Variants in COL4A2 observed in about 807,000 individuals in gnomAD.
COL4A2 encodes collagen alpha-2(IV) chain.
COL4A2 carries 99 observed loss-of-function variants against 200.2 expected under a neutral mutation model. That is an observed-to-expected ratio of 0.49 (90% confidence interval 0.42 to 0.58). COL4A2 has a LOEUF of 0.58. Ranked by LOEUF, COL4A2 falls within the 20% of genes least tolerant of loss-of-function variation. The pLI, the probability that COL4A2 is intolerant of heterozygous loss-of-function variation, is 0.00. For missense variants in COL4A2, 1,950 were observed against 2,314.1 expected (o/e 0.84, Z 3.23); for synonymous variants, 897 against 900.6 (o/e 1.00, Z 0.07).
intron 4 of COL4A2, among the ~76,000 whole-genome samples, chr13:110,370,457 G>A (rs1411963240): frequency 6.6e-6 from 1 of 152,080 alleles, no homozygotes; most frequent in African/African-American, 2.4e-5. Flanking sequence ...GGGTTTCACT[G>A]TGTTGGCCAG....
At chr13:110,367,680 C>T (rs940098837) in intron 4 of COL4A2, among the ~76,000 whole-genome samples, 7 of 152,216 alleles carry the variant, frequency 4.6e-5, no homozygotes, top group African/African-American at 1.7e-4. Flanking sequence ...AGGAATATTG[C>T]CGTGGCCTTT....
intron 41 of COL4A2, 125 bp downstream of exon 41, chr13:110,501,909 C>A: frequency 1.0e-6 from 1 of 962,048 alleles, no homozygotes; most frequent in Non-Finnish European, 1.6e-6. Context: ...GTCAAAGAGG[C>A]AGGAGCCATG....
chr13:110,322,579 G>A (rs914941124), intron 3 of COL4A2, among the ~76,000 whole-genome samples: 1 of 152,226 alleles, frequency 6.6e-6, no homozygotes, highest in Non-Finnish European at 1.5e-5. Context: ...TGTGAGAGGA[G>A]GCTGTGATCG....
intron 4 of COL4A2, among the ~76,000 whole-genome samples, chr13:110,408,055 T>C (rs964444620): frequency 2.0e-5 from 3 of 152,120 alleles, no homozygotes; most frequent in Non-Finnish European, 4.4e-5. Context: ...AGCCGTTTGG[T>C]GTGAATGAAG....
chr13:110,430,651 G>T (rs202050913), intron 10 of COL4A2, 44 bp downstream of exon 10: 89 of 1,613,380 alleles, frequency 5.5e-5, no homozygotes, highest in Non-Finnish European at 7.4e-5. Flanking sequence ...CCATCGTCCG[G>T]TCATCCCTTC....
chr13:110,372,321 C>T (rs573207911), intron 4 of COL4A2, among the ~76,000 whole-genome samples: 5 of 152,248 alleles, frequency 3.3e-5, no homozygotes, highest in Admixed American at 2.6e-4. Flanking sequence ...ATAATGTTTC[C>T]GTCTCTGAAC....
At chr13:110,418,615 A>G (rs763443132) in intron 4 of COL4A2, among the ~76,000 whole-genome samples, 1 of 152,230 alleles carries the variant, frequency 6.6e-6, no homozygotes, top group Non-Finnish European at 1.5e-5. Context: ...TGCATCACAT[A>G]ATTTTGGAGG....
intron 3 of COL4A2, among the ~76,000 whole-genome samples, chr13:110,330,537 A>G (rs1157960351): frequency 1.3e-5 from 2 of 152,212 alleles, no homozygotes; most frequent in Non-Finnish European, 2.9e-5. Flanking sequence ...TGAAAAGAGG[A>G]TAAACCTCCT....
chr13:110,462,304 G>T lies in COL4A2; in HGVS notation c.1696G>T (p.Gly566Cys). The change falls in exon 24 of 48, where the codon GGT becomes TGT. Residue 566 changes from glycine to cysteine, a missense_variant. By Grantham distance (159) the Gly-to-Cys change is radical. This residue lies in a region of COL4A2 where 1,385 missense variants were observed against 1,720.5 expected (regional missense o/e 0.80). Transcript: ENST00000360467. ...TGAGCGGGGACAGCCCGGCGTCCCA[G>T]GTGTGCCCGGGATGAAAGGTGACGA... ...KGERGQPGVP[G>C]VPGMKGDDGS... 1 of 1,614,246 alleles carries T rather than the reference G, an allele frequency of 6.2e-7. No individual in the cohort carries two copies. Among genetic ancestry groups the T allele is most frequent in the Non-Finnish European group, 8.5e-7 (1 of 1,180,050 alleles).
chr13:110,332,482 C>T (rs7317178), intron 3 of COL4A2, among the ~76,000 whole-genome samples: 109,400 of 151,988 alleles, frequency 0.72, 39,800 homozygotes, highest in East Asian at 0.93. Context: ...GTTCTCCTGT[C>T]GCAATGATAG....
chr13:110,457,295 C>T (rs1008092310), intron 20 of COL4A2, 48 bp from the exon 21 acceptor site: 12 of 1,112,544 alleles, frequency 1.1e-5, no homozygotes, highest in Middle Eastern at 2.0e-4. Context: ...GCGTGGGACC[C>T]CAGGCGTCCG....
At chr13:110,498,848 G>T (rs1883543091) in intron 40 of COL4A2, among the ~76,000 whole-genome samples, 1 of 152,186 alleles carries the variant, frequency 6.6e-6, no homozygotes, top group Non-Finnish European at 1.5e-5. Context: ...GGCCCTCCTT[G>T]CATTCCATCC....
chr13:110,400,206 T>C (rs1165821980), intron 4 of COL4A2, among the ~76,000 whole-genome samples: 1 of 152,184 alleles, frequency 6.6e-6, no homozygotes, highest in Non-Finnish European at 1.5e-5. Context: ...TGGAGATCAA[T>C]TTGCATATGT....
chr13:110,383,291 C>T (rs1425102907), intron 4 of COL4A2, among the ~76,000 whole-genome samples: 1 of 152,152 alleles, frequency 6.6e-6, no homozygotes, highest in Non-Finnish European at 1.5e-5. Context: ...GTACCATTTA[C>T]AATACTCTTG....
chr13:110,328,326 T>C (rs975912814), intron 3 of COL4A2: 4 of 152,246 alleles, frequency 2.6e-5, no homozygotes, highest in Non-Finnish European at 2.9e-5. Flanking sequence ...TTCAAAATTT[T>C]CCAATTCAGA....
In COL4A2 at chr13:110,432,277, G is replaced by A. The variant is rs746251408; in HGVS notation, c.649-48G>A. 5 of 1,580,704 alleles carry A rather than the reference G, an allele frequency of 3.2e-6. No individual in the cohort carries two copies. In the African/African-American group the frequency reaches 4.1e-5, roughly 13 times the overall value. On this transcript the variant is annotated intron_variant, in intron 10 of 47. Transcript: ENST00000360467. The stretch of plus-strand genomic sequence containing the variant: ...GAGCTTTCCACCAGATGTTATCTGG[G>A]TCCTGGGGTAAAGAAAACCATTTAC...
Position 110,456,218 on chromosome 13 carries a change from G to A in COL4A2, c.1340-1125G>A, listed in dbSNP as rs143780609. 5.2e-3 allele frequency among the ~76,000 whole-genome samples: 786 copies of A among 152,344 alleles called. 6 individuals are homozygous for A. The highest frequency in any genetic ancestry group is 0.018 in the African/African-American group (737 of 41,574). On this transcript the variant is annotated intron_variant, in intron 20 of 47. Transcript: ENST00000360467. ...GGTTTACAAGGGGAAGGTGGTGGGCGAGGTCATCCAACATGGCTGACCATG... is the reference window on the plus strand; with the variant it reads ...GGTTTACAAGGGGAAGGTGGTGGGCAAGGTCATCCAACATGGCTGACCATG...
chr13:110,467,103 C>T lies in COL4A2; in HGVS notation c.2095+7C>T, dbSNP rs771760571. On this transcript the variant is annotated splice_region_variant and intron_variant, in intron 27 of 47. Transcript: ENST00000360467. ...GGACCCCCAGGCCCCACAGGTAATG[C>T]ACGGAGGGAACCTGGAGTGCACCCA... is the stretch of plus-strand genomic sequence containing the variant. 6 of 1,614,016 alleles carry T rather than the reference C, an allele frequency of 3.7e-6. No individual in the cohort carries two copies. In the Admixed American group the frequency reaches 1.0e-4, roughly 27 times the overall value.
Position 110,307,306 on chromosome 13 carries a change from G to C in COL4A2, c.-267G>C. 2.8e-6 allele frequency: 1 copy of C among 352,872 alleles called. No individual in the cohort carries two copies. The highest frequency in any genetic ancestry group is 4.8e-5 in the East Asian group (1 of 20,902). 21.9% of individuals were successfully genotyped at this position (352,872 alleles called of 1,614,324 possible). A position where few individuals can be genotyped will look rare whatever the true frequency, so the allele number is the denominator to read the frequency against. ...CGGGAGTGTGGCTGCAGTGCGCCGG[G>C]ACACCAGGGCTCCGCGCTCCGCACT... On this transcript the variant is annotated 5_prime_UTR_variant, in exon 1 of 48. Transcript: ENST00000360467. This position sits in a 1 kb window ranked among gnomAD's most constrained non-coding sequence, Gnocchi z 5.0.
Sources: gnomAD v4.1 joint callset for allele counts (sites outside exome capture counted in the v4.1 genomes callset) on GRCh38, gnomAD v4.1.1 for gene constraint, gnomAD v4.1.1 regional missense constraint, Gnocchi (gnomAD v3.1) non-coding constraint, MANE v1.5 for transcripts, NCBI Gene and HGNC (gene_info 2026-07-23, HGNC 2026-07-21) for gene names.